IPCEF1: variants seen among roughly 807,000 people sequenced by gnomAD.
IPCEF1 encodes the protein interaction protein for cytohesin exchange factors 1, also known as interactor protein for cytohesin exchange factors 1.
A neutral mutation model predicts 50.9 loss-of-function variants in IPCEF1; 31 were observed. The observed-to-expected ratio is 0.61, with a 90% CI of 0.46 to 0.82. IPCEF1 has a LOEUF of 0.82. Among genes scored for constraint, IPCEF1 ranks in the 40% least tolerant of loss-of-function variants. IPCEF1 has a pLI of 0.00. For synonymous variants in IPCEF1, 181 were observed against 192.0 expected (o/e 0.94, Z 0.47); for missense variants, 458 against 514.0 (o/e 0.89, Z 1.05).
At chr6:154,220,774 G>T (rs1190416582) in intron 7 of IPCEF1, among the ~76,000 whole-genome samples, 1 of 152,310 alleles carries the variant, frequency 6.6e-6, no homozygotes, top group East Asian at 1.9e-4. Context: ...TGGAGCTAGG[G>T]ATCTACAATT....
At chr6:154,309,234 C>T (rs565552350) in intron 1 of IPCEF1, among the ~76,000 whole-genome samples, 18 of 152,248 alleles carry the variant, frequency 1.2e-4, no homozygotes, top group East Asian at 3.9e-4. Context: ...GGTCTCAGAA[C>T]GCCAATAACC....
rs531133380 is a variant in IPCEF1 at position 154,178,776 on chromosome 6, G to A, written c.911-10663C>T. Among the ~76,000 whole-genome samples, 14 of 152,308 alleles carry A rather than the reference G, an allele frequency of 9.2e-5. No individual in the cohort carries two copies. In the South Asian group the frequency reaches 2.9e-3, roughly 32 times the overall value. On this transcript the variant is annotated intron_variant, in intron 10 of 11. Transcript: ENST00000367220. ...ATAGGATTAAAGCTGTTCAGAAAAT[G>A]AGGAAATAATGAAAGGCAAATTATC...
chr6:154,255,156 T>G (rs1781431948), intron 3 of IPCEF1, among the ~76,000 whole-genome samples: 1 of 152,186 alleles, frequency 6.6e-6, no homozygotes, highest in Admixed American at 6.5e-5. Context: ...GGGATCATCT[T>G]TCTTTCATTT....
At chr6:154,251,450 C>T (rs919030572) in intron 3 of IPCEF1, among the ~76,000 whole-genome samples, 15 of 152,180 alleles carry the variant, frequency 9.9e-5, no homozygotes, top group African/African-American at 3.6e-4. Flanking sequence ...ATCATGCTCG[C>T]ATGTGCCAGG....
At chr6:154,207,559 GT>G (rs60099031) in intron 9 of IPCEF1, among the ~76,000 whole-genome samples, 2 of 151,190 alleles carry the variant, frequency 1.3e-5, no homozygotes, top group Non-Finnish European at 1.5e-5. Context: ...ACTTTTTGGG[GT>G]TTTTTTTGTT....
At chr6:154,292,407 C>G (rs1782537631) in intron 1 of IPCEF1, among the ~76,000 whole-genome samples, 2 of 152,128 alleles carry the variant, frequency 1.3e-5, no homozygotes, top group South Asian at 4.1e-4. Flanking sequence ...TTACAAAATG[C>G]TTTGATATGG....
Position 154,316,888 on chromosome 6 carries a change from TA to T in IPCEF1, c.-61-27133del, listed in dbSNP as rs1783233080. 2.0e-5 allele frequency among the ~76,000 whole-genome samples: 3 copies of T among 152,188 alleles called. No homozygotes were observed. The South Asian group carries it at 6.2e-4, about 32-fold the overall frequency. On this transcript the variant is annotated intron_variant, in intron 1 of 11. Transcript: ENST00000367220. ...AGTAAGTAGATACAATTTTCTCAAT[TA>T]AAATTAATTAGTTAATTGGAATAAT...
At chr6:154,171,163 T>G (rs1259479200) in intron 10 of IPCEF1, among the ~76,000 whole-genome samples, 1 of 152,190 alleles carries the variant, frequency 6.6e-6, no homozygotes, top group African/African-American at 2.4e-5. Flanking sequence ...AAATTGTACA[T>G]GAATGTTCAC....
intron 11 of IPCEF1, among the ~76,000 whole-genome samples, chr6:154,164,823 A>G (rs1010449728): frequency 1.6e-4 from 25 of 152,214 alleles, no homozygotes; most frequent in African/African-American, 5.8e-4. Context: ...GACTTAGCCA[A>G]AAGTCAGTGA....
intron 1 of IPCEF1, among the ~76,000 whole-genome samples, chr6:154,319,225 G>GT (rs981392281): frequency 6.6e-6 from 1 of 151,890 alleles, no homozygotes; most frequent in Non-Finnish European, 1.5e-5. Flanking sequence ...TTTTCATTTG[G>GT]TTTTACTTAT....
At chr6:154,200,136 T>G (rs1562537614) in intron 9 of IPCEF1, 96 bp from the exon 10 acceptor site, 5 of 1,167,142 alleles carry the variant, frequency 4.3e-6, no homozygotes, top group East Asian at 5.1e-5. Flanking sequence ...GTCCCCGTGT[T>G]ATTTCAAAAA....
intron 1 of IPCEF1, among the ~76,000 whole-genome samples, chr6:154,318,598 T>G (rs1052217656): frequency 6.6e-6 from 1 of 151,438 alleles, no homozygotes; most frequent in African/African-American, 2.4e-5. Flanking sequence ...ACGCCTCTAG[T>G]CTCAGCACTT....
intron 3 of IPCEF1, among the ~76,000 whole-genome samples, chr6:154,258,816 G>T (rs965847558): frequency 4.6e-5 from 7 of 152,086 alleles, no homozygotes; most frequent in Non-Finnish European, 1.0e-4. Context: ...TCAATGACTG[G>T]CCAAGACTTC....
At chr6:154,262,326 G>A (rs1020365488) in intron 3 of IPCEF1, among the ~76,000 whole-genome samples, 10 of 152,190 alleles carry the variant, frequency 6.6e-5, no homozygotes, top group Admixed American at 5.2e-4. Context: ...GCTTTAGGTC[G>A]GGAATTACGT....
At chr6:154,248,657 T>C (rs1781252155) in intron 3 of IPCEF1, among the ~76,000 whole-genome samples, 1 of 152,156 alleles carries the variant, frequency 6.6e-6, no homozygotes, top group Non-Finnish European at 1.5e-5. Context: ...GGTCTTTAAA[T>C]CCAGAGGCCT....
chr6:154,217,875 T>C (rs1778539953), intron 7 of IPCEF1, among the ~76,000 whole-genome samples: 2 of 152,312 alleles, frequency 1.3e-5, no homozygotes, highest in Non-Finnish European at 2.9e-5. Context: ...AGAAAAGGCA[T>C]TTCTAAGCTC....
chr6:154,203,654 C>T (rs1777252514), intron 9 of IPCEF1, among the ~76,000 whole-genome samples: 1 of 152,088 alleles, frequency 6.6e-6, no homozygotes, highest in South Asian at 2.1e-4. Context: ...GAACTAAACC[C>T]CCACAGATAC....
intron 3 of IPCEF1, among the ~76,000 whole-genome samples, chr6:154,263,221 TA>T (rs1187787377): frequency 2.4e-5 from 2 of 83,702 alleles, no homozygotes; most frequent in Non-Finnish European, 4.8e-5. Context: ...TAGCATCCTG[TA>T]AATGAGTCTT....
rs570875171 is a variant in IPCEF1, at chr6:154,249,916, T to G, written c.37-2428A>C. On this transcript the variant is annotated intron_variant, in intron 3 of 11. Transcript: ENST00000367220. ...ACCCAACTCAAAGAAAGGCTTTTTT[T>G]TTGTTTGTTTTTAAGTGGGGGAGGG... 3.0e-3 allele frequency among the ~76,000 whole-genome samples: 437 copies of G among 144,464 alleles called. 3 individuals are homozygous for G. The highest frequency in any genetic ancestry group is 0.011 in the African/African-American group (416 of 39,476). 94.8% of individuals were successfully genotyped at this position (144,464 alleles called of 152,430 possible).
Sources: allele counts gnomAD v4.1 joint callset (sites outside exome capture counted in the v4.1 genomes callset), GRCh38; gene constraint gnomAD v4.1.1; transcripts MANE v1.5; gene names NCBI Gene and HGNC (gene_info 2026-07-23, HGNC 2026-07-21).